AK9: variants seen among roughly 807,000 people sequenced by gnomAD.
The protein encoded by AK9 is adenylate kinase 9, also known as adenylate kinase domain containing 1.
AK9 carries 191 observed loss-of-function variants against 239.6 expected under a neutral mutation model. The ratio of observed to expected loss-of-function variants is 0.80; its 90% CI spans 0.71 to 0.90. The LOEUF (loss-of-function observed/expected upper bound fraction) is 0.90. Among genes scored for constraint, AK9 ranks in the 40% least tolerant of loss-of-function variants. The pLI, the probability that AK9 is intolerant of heterozygous loss-of-function variation, is 0.00. For synonymous variants in AK9, 689 were observed against 721.0 expected (o/e 0.96, Z 0.71); for missense variants, 1,995 against 2,214.7 (o/e 0.90, Z 1.99).
intron 25 of AK9, 118 bp from the exon 26 acceptor site, chr6:109,546,245 A>G: frequency 1.1e-6 from 1 of 908,900 alleles, no homozygotes; most frequent in African/African-American, 1.7e-5. Flanking sequence ...TGGGGTAGGA[A>G]TGATCACATC....
chr6:109,645,920 G>A (rs923211998), intron 8 of AK9, among the ~76,000 whole-genome samples: 11 of 152,186 alleles, frequency 7.2e-5, no homozygotes, highest in Non-Finnish European at 8.8e-5. Flanking sequence ...GTTCTACAGC[G>A]TTCGCTGGTG....
chr6:109,517,796 G>A (rs911585600), intron 29 of AK9, among the ~76,000 whole-genome samples: 3 of 152,090 alleles, frequency 2.0e-5, no homozygotes, highest in African/African-American at 4.8e-5. Flanking sequence ...GTACTAAGTC[G>A]TATTGTGTAG....
At chr6:109,549,504 C>A (rs1415425364) in intron 25 of AK9, among the ~76,000 whole-genome samples, 1 of 152,112 alleles carries the variant, frequency 6.6e-6, no homozygotes, top group East Asian at 1.9e-4. Flanking sequence ...ATTAATCCAT[C>A]TGTGGGGTTT....
chr6:109,659,764 GT>G (rs1800180923), intron 6 of AK9, among the ~76,000 whole-genome samples: 1 of 152,100 alleles, frequency 6.6e-6, no homozygotes, highest in Non-Finnish European at 1.5e-5. Flanking sequence ...AGCTTGAAAA[GT>G]TTACGAATGG....
intron 18 of AK9, 22 bp from the exon 19 acceptor site, chr6:109,585,259 T>A: frequency 1.4e-6 from 1 of 712,262 alleles, no homozygotes; most frequent in Non-Finnish European, 1.8e-6. Context: ...ATAAGGAGAC[T>A]AATATTACTT....
chr6:109,645,015 G>A (rs878891946), intron 8 of AK9, among the ~76,000 whole-genome samples: 3 of 152,178 alleles, frequency 2.0e-5, no homozygotes, highest in Admixed American at 2.0e-4. Flanking sequence ...GGAAGCATCT[G>A]ATTAAACTTT....
chr6:109,633,464 T>G, intron 10 of AK9, 141 bp from the exon 11 acceptor site: 1 of 866,814 alleles, frequency 1.2e-6, no homozygotes, highest in East Asian at 2.8e-5. Flanking sequence ...TTTTTCTTAA[T>G]TGCAACATCC....
At chr6:109,665,953 C>T (rs757084791) in intron 5 of AK9, among the ~76,000 whole-genome samples, 18 of 152,196 alleles carry the variant, frequency 1.2e-4, no homozygotes, top group African/African-American at 3.9e-4. Context: ...AGGCATTCCA[C>T]GTGCAACTGT....
chr6:109,514,199 A>G, intron 32 of AK9, 25 bp downstream of exon 32: 1 of 1,538,532 alleles, frequency 6.5e-7, no homozygotes. Context: ...ATGCTTGAGG[A>G]AAACAAAGGC....
chr6:109,607,768 G>GGGGTGTGT (rs1554268777), intron 17 of AK9, among the ~76,000 whole-genome samples: 3 of 145,382 alleles, frequency 2.1e-5, no homozygotes, highest in Non-Finnish European at 4.5e-5. Flanking sequence ...CCAGCAGAGG[G>GGGGTGTGT]GTGTGTGTGT....
rs774729526 is a variant in AK9 at position 109,671,051 on chromosome 6, CAT to C, written c.331+866_331+867del. Reference sequence around the variant, plus strand: ...ATTCTATGTATCATCTCTCTATACACATGAGCTATATGAAAAGGAATCTTTTT... The same window carrying C: ...ATTCTATGTATCATCTCTCTATACACGAGCTATATGAAAAGGAATCTTTTT... On this transcript the variant is annotated intron_variant, in intron 5 of 40. Coordinates refer to ENST00000424296, the MANE Select transcript of AK9 (RefSeq NM_001145128.3). Among the ~76,000 whole-genome samples the C allele has an allele frequency of 5.9e-5, 9 of 152,264 alleles. No homozygotes were observed. In the East Asian group the frequency reaches 7.7e-4, roughly 13 times the overall value.
intron 17 of AK9, among the ~76,000 whole-genome samples, chr6:109,591,445 A>C (rs1424301799): frequency 6.6e-6 from 1 of 152,096 alleles, no homozygotes; most frequent in Admixed American, 6.5e-5. Flanking sequence ...TATGCAGCAC[A>C]TGGTTGGATT....
chr6:109,633,566 A>G (rs11153201), intron 10 of AK9, among the ~76,000 whole-genome samples: 88,574 of 151,994 alleles, frequency 0.58, 27,496 homozygotes, highest in South Asian at 0.84. Flanking sequence ...ACTAGTTTAC[A>G]TTTATGTTAA....
intron 26 of AK9, among the ~76,000 whole-genome samples, chr6:109,543,738 G>A (rs562566225): frequency 3.9e-5 from 6 of 151,978 alleles, no homozygotes; most frequent in Non-Finnish European, 7.4e-5. Context: ...GTGAGCGACC[G>A]TGCCTGTCCC....
intron 24 of AK9, among the ~76,000 whole-genome samples, chr6:109,558,996 C>A (rs1785361190): frequency 6.6e-6 from 1 of 151,784 alleles, no homozygotes; most frequent in Non-Finnish European, 1.5e-5. Flanking sequence ...GGATTACAGG[C>A]ATACACCACC....
intron 7 of AK9, among the ~76,000 whole-genome samples, chr6:109,658,262 T>A (rs1053008483): frequency 6.6e-6 from 1 of 152,208 alleles, no homozygotes. Context: ...CATTCTTCTC[T>A]CCCTAGTAGA....
intron 12 of AK9, chr6:109,632,659 T>G (rs1796213088): frequency 2.7e-6 from 2 of 747,394 alleles, no homozygotes; most frequent in Non-Finnish European, 3.6e-6. Context: ...TGGCAGAGTC[T>G]GAATGACACG....
At chr6:109,687,673 C>T (rs1442205096) in intron 1 of AK9, among the ~76,000 whole-genome samples, 1 of 152,166 alleles carries the variant, frequency 6.6e-6, no homozygotes, top group Non-Finnish European at 1.5e-5. Context: ...CTTCCCTAGT[C>T]AAGTCTCCAG....
chr6:109,563,769 T>C, intron 23 of AK9, 57 bp from the exon 24 acceptor site: 3 of 1,483,350 alleles, frequency 2.0e-6, no homozygotes, highest in Non-Finnish European at 2.7e-6. Flanking sequence ...GTTATTAGCA[T>C]ATTACTATAG....
Sources: allele counts gnomAD v4.1 joint callset (sites outside exome capture counted in the v4.1 genomes callset), GRCh38; gene constraint gnomAD v4.1.1; transcripts MANE v1.5; gene names NCBI Gene and HGNC (gene_info 2026-07-23, HGNC 2026-07-21).